The following RAD51AP2 variants were observed in gnomAD, a reference collection of about 807,000 sequenced individuals.
The protein encoded by RAD51AP2 is RAD51 associated protein 2, also known as RAD51-associated protein 2.
RAD51AP2 carries 67 observed loss-of-function variants against 85.5 expected under a neutral mutation model. The ratio of observed to expected loss-of-function variants is 0.78; its 90% CI spans 0.64 to 0.96. RAD51AP2 has a LOEUF of 0.96. Ranked by LOEUF, RAD51AP2 falls within the 40% of genes least tolerant of loss-of-function variation. The pLI is 0.00. For synonymous variants in RAD51AP2, 474 were observed against 446.5 expected (o/e 1.06, Z -0.78); for missense variants, 1,307 against 1,332.4 (o/e 0.98, Z 0.30).
chr2:17,511,727 G>T (rs969533403), intron 2 of RAD51AP2, among the ~76,000 whole-genome samples: 1 of 152,044 alleles, frequency 6.6e-6, no homozygotes, highest in Non-Finnish European at 1.5e-5. Context: ...CTGACAAAAG[G>T]TTAGCAGTAT....
chr2:17,530,220 C>T, the RAD51AP2 span, among the ~76,000 whole-genome samples: 1 of 152,098 alleles, frequency 6.6e-6, no homozygotes, highest in Non-Finnish European at 1.5e-5. Flanking sequence ...ATAAGCCTTG[C>T]TATAGCAGGG....
the RAD51AP2 span, among the ~76,000 whole-genome samples, chr2:17,528,570 C>A: frequency 6.6e-6 from 1 of 152,104 alleles, no homozygotes; most frequent in East Asian, 1.9e-4. Context: ...CAGATAGGCA[C>A]GGTGGTTCAC....
the RAD51AP2 span, among the ~76,000 whole-genome samples, chr2:17,535,539 G>A: frequency 6.6e-6 from 1 of 152,170 alleles, no homozygotes; most frequent in Non-Finnish European, 1.5e-5. Context: ...TGGCAGTGAG[G>A]AATGAATTTG....
chr2:17,527,225 G>C, the RAD51AP2 span, among the ~76,000 whole-genome samples: 1 of 152,116 alleles, frequency 6.6e-6, no homozygotes, highest in Non-Finnish European at 1.5e-5. Context: ...TTCTGTCTGT[G>C]TTTCCTATTT....
the RAD51AP2 span, among the ~76,000 whole-genome samples, chr2:17,532,050 G>T: frequency 3.9e-5 from 6 of 152,122 alleles, no homozygotes; most frequent in Admixed American, 2.0e-4. Context: ...GCCGGGGTGG[G>T]GGGGGAAGCA....
rs1192844221 is a variant in RAD51AP2, at chr2:17,514,061, A to G, written c.3279T>C (p.Ala1093=). The G allele has an allele frequency of 5.7e-6, 9 of 1,589,510 alleles. No homozygotes were observed. In the South Asian group the frequency reaches 1.0e-4, roughly 18 times the overall value. Residue 1093 remains alanine, a synonymous_variant, in exon 2 of 3, where the codon GCT becomes GCC. Transcript: ENST00000399080. ...CTTCTTTACATTCATCAGGGAGAAA[A>G]GCAGGTCTTTTAGGTAAAGGTGTTT... ...DCETPLPKRP[A]FLPDECKEEF... is the part of the protein sequence containing the mutation.
chr2:17,516,880 T>G lies in RAD51AP2; in HGVS notation c.1536A>C (p.Glu512Asp). The change falls in exon 1 of 3, where the codon GAA becomes GAC. Residue 512 changes from glutamate to aspartate, a missense_variant. Glu to Asp is a conservative substitution (Grantham distance 45). Transcript: ENST00000399080. ...VNNPFESFII[E>D]IFYFHKSISG... ...AAATACTTTTATGGAAATAAAAAATTTCTATAATGAAACTTTCAAAAGGGT... is the reference window on the plus strand; with the variant it reads ...AAATACTTTTATGGAAATAAAAAATGTCTATAATGAAACTTTCAAAAGGGT... 1 of 1,567,254 alleles carries G rather than the reference T, an allele frequency of 6.4e-7. No individual in the cohort carries two copies. The highest frequency in any genetic ancestry group is 8.6e-7 in the Non-Finnish European group (1 of 1,157,012).
the RAD51AP2 span, among the ~76,000 whole-genome samples, chr2:17,531,887 T>C: frequency 6.6e-6 from 1 of 152,216 alleles, no homozygotes; most frequent in East Asian, 1.9e-4. Flanking sequence ...CATAGATCTC[T>C]ACTTTTTATT....
At chr2:17,512,106 C>T (rs1328936198) in intron 2 of RAD51AP2, among the ~76,000 whole-genome samples, 1 of 152,046 alleles carries the variant, frequency 6.6e-6, no homozygotes, top group Non-Finnish European at 1.5e-5. Context: ...TGCCTTCACA[C>T]CACAGAGAGA....
the RAD51AP2 span, among the ~76,000 whole-genome samples, chr2:17,536,914 T>C: frequency 6.6e-6 from 1 of 152,214 alleles, no homozygotes; most frequent in African/African-American, 2.4e-5. Flanking sequence ...AGACAGTCTA[T>C]GAGTCAGAAA....
chr2:17,518,494 A>T, upstream of RAD51AP2: 1 of 1,521,276 alleles, frequency 6.6e-7, no homozygotes, highest in Non-Finnish European at 8.8e-7. Context: ...CGCTCTGGTC[A>T]CGCCCCTGAC....
the RAD51AP2 span, among the ~76,000 whole-genome samples, chr2:17,535,935 CA>C: frequency 0.32 from 18,235 of 57,570 alleles, 1,840 homozygotes; most frequent in African/African-American, 0.49. Context: ...GTAAGAACAC[CA>C]AAAAAAAAAA....
the RAD51AP2 span, among the ~76,000 whole-genome samples, chr2:17,524,871 T>C: frequency 6.6e-6 from 1 of 151,694 alleles, no homozygotes; most frequent in South Asian, 2.1e-4. Context: ...CTATACAAAA[T>C]AGGCAAGGAA....
the RAD51AP2 span, among the ~76,000 whole-genome samples, chr2:17,535,388 T>G: frequency 6.6e-6 from 1 of 152,188 alleles, no homozygotes; most frequent in African/African-American, 2.4e-5. Context: ...TGCTAAGGAA[T>G]TTTAATTTAT....
chr2:17,518,611 C>T (rs114258419), upstream of RAD51AP2, among the ~76,000 whole-genome samples: 1,735 of 150,522 alleles, frequency 0.012, 48 homozygotes, highest in African/African-American at 0.041. Context: ...TCAGTCCCTC[C>T]TCTCCCTGCC....
At chr2:17,521,393 A>C (rs1033156784), upstream of RAD51AP2, among the ~76,000 whole-genome samples, 7 of 152,122 alleles carry the variant, frequency 4.6e-5, no homozygotes, top group African/African-American at 1.7e-4. Flanking sequence ...ATATGACAAG[A>C]CAGTTTTTCC....
the RAD51AP2 span, among the ~76,000 whole-genome samples, chr2:17,523,507 T>G: frequency 6.6e-6 from 1 of 151,934 alleles, no homozygotes; most frequent in Non-Finnish European, 1.5e-5. Flanking sequence ...GTAATTTATA[T>G]TATTCATACT....
At chr2:17,522,234 C>G (rs1662872344), upstream of RAD51AP2, among the ~76,000 whole-genome samples, 1 of 151,812 alleles carries the variant, frequency 6.6e-6, no homozygotes, top group South Asian at 2.1e-4. Context: ...TTTCAGCTTC[C>G]ACATCTACTC....
intron 2 of RAD51AP2, among the ~76,000 whole-genome samples, chr2:17,513,238 T>TC (rs1662550737): frequency 3.0e-5 from 1 of 33,658 alleles, no homozygotes; most frequent in African/African-American, 4.6e-5. Flanking sequence ...TAGTGTGTGC[T>TC]TTTTTTTTTT....
Sources: allele counts gnomAD v4.1 joint callset (sites outside exome capture counted in the v4.1 genomes callset), GRCh38; gene constraint gnomAD v4.1.1; transcripts MANE v1.5; gene names NCBI Gene and HGNC (gene_info 2026-07-23, HGNC 2026-07-21).